NECAB3: variants seen among roughly 807,000 people sequenced by gnomAD.
The protein encoded by NECAB3 is N-terminal EF-hand calcium-binding protein 3.
A neutral mutation model predicts 57.2 loss-of-function variants in NECAB3; 38 were observed. That is an observed-to-expected ratio of 0.66 (90% CI 0.51 to 0.87). The LOEUF (loss-of-function observed/expected upper bound fraction) is 0.87, where lower values mean the gene tolerates loss of function less well. NECAB3 is among the 40% of genes least tolerant of loss of function. The pLI is 0.00. For synonymous variants in NECAB3, 223 were observed against 222.6 expected, an observed-to-expected ratio of 1.00 and a Z score of -0.02; for missense variants, 474 against 527.5, an observed-to-expected ratio of 0.90 and a Z score of 0.99.
chr20:33,674,538 T>G (rs1330524537), upstream of NECAB3: 2 of 444,758 alleles, frequency 4.5e-6, no homozygotes, highest in Non-Finnish European at 6.0e-6. Context: ...GCCGCGGGCC[T>G]CCGCGCTTCC....
Position 33,674,354 on chromosome 20 carries a change from G to A in NECAB3, c.-2C>T. 5.1e-6 allele frequency: 6 copies of A among 1,188,062 alleles called. No homozygotes were observed. The highest frequency in any genetic ancestry group is 4.2e-6 in the Non-Finnish European group (4 of 959,832). The allele number at this position is 1,188,062 out of a possible 1,614,324, so 73.6% of individuals were successfully genotyped here. Reference sequence around the variant, plus strand: ...GGTGAGCAGCCCCGCGCACGCCATGGCGCCGCCACCCGCTCGGGCTCGGCT... The same window carrying A: ...GGTGAGCAGCCCCGCGCACGCCATGACGCCGCCACCCGCTCGGGCTCGGCT... On this transcript the variant is annotated 5_prime_UTR_variant, in exon 1 of 12. Coordinates refer to ENST00000246190, the MANE Select transcript of NECAB3 (RefSeq NM_031232.4).
intron 5 of NECAB3, chr20:33,668,010 G>A (rs1414125648): frequency 3.9e-6 from 6 of 1,543,200 alleles, no homozygotes; most frequent in South Asian, 1.2e-5. Flanking sequence ...GCTCCACACT[G>A]TTTCCTGGCT....
chr20:33,674,509 C>G (rs1213913513), upstream of NECAB3: 3 of 683,552 alleles, frequency 4.4e-6, no homozygotes, highest in African/African-American at 5.7e-5. Context: ...GTTCCCTCGC[C>G]TCAAGGTCCA....
At chr20:33,672,494 C>A (rs952015560) in intron 1 of NECAB3, 72 bp from the exon 2 acceptor site, 1 of 1,590,088 alleles carries the variant, frequency 6.3e-7, no homozygotes, top group Non-Finnish European at 8.6e-7. Context: ...CTCAACCCGA[C>A]AGGGTCCCAG....
chr20:33,660,672 C>T lies in NECAB3; in HGVS notation c.388-277G>A, dbSNP rs531945083. The stretch of plus-strand genomic sequence containing the variant: ...GCCTCTCTGGACCTCATGGCCCCTT[C>T]CCTGATGGGGCTACCACCTTCAGCA... On this transcript the variant is annotated intron_variant, in intron 5 of 11. Transcript: ENST00000246190. The surrounding 1 kb of genome is among the most constrained non-coding windows in gnomAD (Gnocchi z 4.1). Among the ~76,000 whole-genome samples the T allele has an allele frequency of 5.4e-4, 83 of 152,306 alleles. No individual in the cohort carries two copies. In the South Asian group the frequency reaches 8.1e-3, roughly 15 times the overall value.
chr20:33,667,557 G>T (rs1253603924), intron 5 of NECAB3: 2 of 1,553,786 alleles, frequency 1.3e-6, no homozygotes, highest in Admixed American at 3.8e-5. Flanking sequence ...GGCTGGCCGT[G>T]GAGGCGGGCG....
chr20:33,663,659 A>AAGGTAGCGAGCGC (rs774418052), intron 5 of NECAB3: 9 of 1,590,346 alleles, frequency 5.7e-6, no homozygotes, highest in African/African-American at 1.4e-5. Flanking sequence ...GGAGCGGGCG[A>AAGGTAGCGAGCGC]AGGTAGCGAG....
rs575459788 is a variant in NECAB3, at chr20:33,674,292, G to T, written c.61C>A (p.Pro21Thr). 1,977 of 1,224,848 alleles carry T rather than the reference G, an allele frequency of 1.6e-3. 2 individuals are homozygous for T. Among genetic ancestry groups the T allele is most frequent in the Non-Finnish European group, 1.9e-3 (1,836 of 982,954 alleles). 75.9% of individuals were successfully genotyped at this position (1,224,848 alleles called of 1,614,324 possible). Residue 21 changes from proline to threonine, a missense_variant, in exon 1 of 12, where the codon CCC (proline) becomes ACC (threonine). Physicochemically the swap from Pro to Thr is conservative, Grantham distance 38 (BLOSUM62 -1). Coordinates refer to ENST00000246190, the MANE Select transcript of NECAB3 (RefSeq NM_031232.4). ...AGCTGGGGGTGCCGCGGGGTCTGGG[G>T]CTGGGGCTGGGGCGCGGGCGGCCGG... The part of the protein sequence containing the change: ...LLRPPAPQPQ[P>T]QTPRHPQLAP...
chr20:33,658,644 C>T, intron 9 of NECAB3, 78 bp downstream of exon 9: 1 of 1,596,358 alleles, frequency 6.3e-7, no homozygotes, highest in Non-Finnish European at 8.6e-7. Context: ...CCTGACCCAC[C>T]CAGGATGGCC....
intron 5 of NECAB3, chr20:33,667,272 C>G (rs1218116950): frequency 2.1e-6 from 1 of 472,364 alleles, no homozygotes; most frequent in African/African-American, 2.0e-5. Context: ...GAGCGCCGGG[C>G]TGCGAGCTGG....
chr20:33,663,901 C>A, intron 5 of NECAB3: 1 of 1,364,350 alleles, frequency 7.3e-7, no homozygotes, highest in Non-Finnish European at 9.4e-7. Flanking sequence ...ATAAAGAGTG[C>A]GTGGCAACCC....
chr20:33,664,979 T>G (rs904399082), intron 5 of NECAB3: 4 of 152,224 alleles, frequency 2.6e-5, no homozygotes, highest in African/African-American at 9.7e-5. Flanking sequence ...CTCCTGCTAA[T>G]TGTGAGAACT....
At chr20:33,673,811 ACT>A (rs1251651029) in intron 1 of NECAB3, among the ~76,000 whole-genome samples, 2 of 151,822 alleles carry the variant, frequency 1.3e-5, no homozygotes, top group Admixed American at 1.3e-4. Context: ...CAACTGTAGG[ACT>A]CTGCTGCCCT....
chr20:33,661,942 T>C (rs2017488743), intron 5 of NECAB3: 1 of 158,944 alleles, frequency 6.3e-6, no homozygotes, highest in Non-Finnish European at 1.4e-5. Flanking sequence ...TTAGCCACCA[T>C]GCCAGGCCTC....
chr20:33,663,812 GC>G (rs1268235219), intron 5 of NECAB3: 1 of 1,415,646 alleles, frequency 7.1e-7, no homozygotes, highest in Non-Finnish European at 9.1e-7. Context: ...CGCGAAGCCG[GC>G]CCCGCCGAGG....
chr20:33,674,803 G>T (rs1288754817), upstream of NECAB3: 1 of 152,258 alleles, frequency 6.6e-6, no homozygotes, highest in African/African-American at 2.4e-5. Context: ...CTTACAACGG[G>T]GGCTGGCGCA....
intron 5 of NECAB3, among the ~76,000 whole-genome samples, chr20:33,668,756 C>A (rs1019929069): frequency 6.6e-6 from 1 of 152,254 alleles, no homozygotes; most frequent in African/African-American, 2.4e-5. Context: ...TCACTGCTCC[C>A]TCCCCCTTAC....
chr20:33,672,092 G>T, intron 2 of NECAB3: 1 of 462,434 alleles, frequency 2.2e-6, no homozygotes, highest in Non-Finnish European at 3.9e-6. Context: ...TTCCAATCTA[G>T]CTGGTGGTTG....
chr20:33,673,297 G>T lies in NECAB3; in HGVS notation c.130-875C>A, dbSNP rs557439589. Among the ~76,000 whole-genome samples the T allele has an allele frequency of 5.3e-5, 8 of 152,288 alleles. No homozygotes were observed. In the South Asian group the frequency reaches 1.7e-3, roughly 32 times the overall value. The stretch of plus-strand genomic sequence containing the variant: ...CCCCCATGAACTCCAGGTCCTGAAC[G>T]CCAGCCCCCTCCAGGGTCCTGTTTT... On this transcript the variant is annotated intron_variant, in intron 1 of 11. Transcript: ENST00000246190.
Sources: allele counts gnomAD v4.1 joint callset (sites outside exome capture counted in the v4.1 genomes callset), GRCh38; gene constraint gnomAD v4.1.1; non-coding constraint Gnocchi (gnomAD v3.1); transcripts MANE v1.5; gene names NCBI Gene and HGNC (gene_info 2026-07-23, HGNC 2026-07-21).